The following LARP4B variants were observed in gnomAD, a reference collection of about 807,000 sequenced individuals.
LARP4B encodes the protein La ribonucleoprotein 4B, also known as la-related protein 4B.
LARP4B carries 12 observed loss-of-function variants against 89.8 expected under a neutral mutation model. That is an observed-to-expected ratio of 0.13 (90% CI 0.09 to 0.22). The LOEUF is 0.22. Among genes scored for constraint, LARP4B ranks in the 10% least tolerant of loss-of-function variants. LARP4B has a pLI of 1.00. For missense variants in LARP4B, 757 were observed against 947.7 expected (o/e 0.80, Z 2.64); for synonymous variants, 367 against 363.3 (o/e 1.01, Z -0.12).
At chr10:837,883 C>T (rs893692099) in intron 7 of LARP4B, among the ~76,000 whole-genome samples, 2 of 151,680 alleles carry the variant, frequency 1.3e-5, no homozygotes, top group African/African-American at 4.8e-5. Flanking sequence ...AAAAAATTTA[C>T]AAATTGGACT....
intron 1 of LARP4B, among the ~76,000 whole-genome samples, chr10:920,494 CCAGA>C (rs1321788934): frequency 6.6e-6 from 1 of 152,198 alleles, no homozygotes; most frequent in Non-Finnish European, 1.5e-5. Flanking sequence ...ATTAATCAGG[CCAGA>C]CACAGTGGCT....
intron 1 of LARP4B, among the ~76,000 whole-genome samples, chr10:887,540 A>G (rs567239116): frequency 3.8e-4 from 57 of 151,394 alleles, no homozygotes; most frequent in Non-Finnish European, 6.5e-4. Context: ...GTGAAACCTC[A>G]TCTCTCTAAA....
intron 1 of LARP4B, among the ~76,000 whole-genome samples, chr10:894,010 C>G (rs1022066010): frequency 5.3e-5 from 8 of 152,158 alleles, no homozygotes; most frequent in African/African-American, 1.9e-4. Context: ...GAACCACAGT[C>G]AATGGGGAGT....
intron 1 of LARP4B, among the ~76,000 whole-genome samples, chr10:898,377 T>C (rs778888628): frequency 6.0e-4 from 92 of 152,230 alleles, no homozygotes; most frequent in Admixed American, 2.3e-3. Context: ...CTAGTCATTC[T>C]ACTCCTAGGG....
At chr10:955,030 C>T in the LARP4B span, among the ~76,000 whole-genome samples, 1 of 73,502 alleles carries the variant, frequency 1.4e-5, no homozygotes, top group Non-Finnish European at 2.7e-5. This position sits in a 1 kb window ranked among gnomAD's most constrained non-coding sequence, Gnocchi z 5.2. Flanking sequence ...CTCCCATCCA[C>T]GCTTCCCCAG....
At chr10:826,424 T>C (rs1832626850) in intron 11 of LARP4B, among the ~76,000 whole-genome samples, 1 of 152,210 alleles carries the variant, frequency 6.6e-6, no homozygotes, top group South Asian at 2.1e-4. Context: ...AAGTATGGCA[T>C]GCAAATATAC....
chr10:962,211 A>T, the LARP4B span, among the ~76,000 whole-genome samples: 4 of 150,160 alleles, frequency 2.7e-5, no homozygotes. Context: ...CAGGAGAATC[A>T]CTTGAACCCA....
At chr10:958,115 C>T in the LARP4B span, among the ~76,000 whole-genome samples, 6 of 152,130 alleles carry the variant, frequency 3.9e-5, no homozygotes, top group African/African-American at 7.2e-5. Flanking sequence ...ATTTCCTCCG[C>T]GTAACTGTGG....
intron 1 of LARP4B, among the ~76,000 whole-genome samples, chr10:920,766 T>C (rs927587778): frequency 6.6e-6 from 1 of 151,928 alleles, no homozygotes; most frequent in African/African-American, 2.4e-5. Context: ...AGTGAGACTC[T>C]GTCTCAAAAA....
At chr10:836,529 T>C (rs373578907) in intron 7 of LARP4B, 23 bp from the exon 8 acceptor site, 33 of 1,430,394 alleles carry the variant, frequency 2.3e-5, no homozygotes, top group Non-Finnish European at 3.2e-5. Flanking sequence ...GAAAAATCAA[T>C]GGTGAAACAA....
the LARP4B span, among the ~76,000 whole-genome samples, chr10:966,620 A>C: frequency 6.6e-6 from 1 of 152,254 alleles, no homozygotes; most frequent in East Asian, 1.9e-4. Context: ...CGAGAGGCAC[A>C]GAACGGGAGT....
At chr10:966,031 C>T in the LARP4B span, among the ~76,000 whole-genome samples, 14 of 150,350 alleles carry the variant, frequency 9.3e-5, 1 homozygote, top group African/African-American at 3.2e-4. Flanking sequence ...ATTGAATACA[C>T]AGTGGGTTCT....
chr10:888,190 C>T (rs1487482199), intron 1 of LARP4B, among the ~76,000 whole-genome samples: 1 of 151,956 alleles, frequency 6.6e-6, no homozygotes, highest in Non-Finnish European at 1.5e-5. Flanking sequence ...CCTGGTGGCA[C>T]ATGCCTGGAG....
chr10:825,035 A>G, intron 13 of LARP4B, 30 bp downstream of exon 13: 1 of 1,594,238 alleles, frequency 6.3e-7, no homozygotes, highest in East Asian at 2.2e-5. Context: ...TTAGTTTATG[A>G]TGTTACACAG....
In LARP4B at chr10:815,064, T is replaced by G; in HGVS notation, c.1702A>C (p.Ser568Arg). The G allele has an allele frequency of 1.9e-6, 3 of 1,574,990 alleles. No individual in the cohort carries two copies. Among genetic ancestry groups the G allele is most frequent in the Non-Finnish European group, 2.6e-6 (3 of 1,158,594 alleles). ...IIGPSKERTL[S>R]ADASVNTLPV... is the part of the protein sequence containing the mutation. Reference sequence around the variant, plus strand: ...AGGGTGTTCACGCTTGCGTCTGCACTGAGGGTCTGAAACAGGGTCAAGAGT... The same window carrying G: ...AGGGTGTTCACGCTTGCGTCTGCACGGAGGGTCTGAAACAGGGTCAAGAGT... The change falls in exon 16 of 18, where the codon AGT becomes CGT. Residue 568 changes from serine to arginine, a missense_variant. By Grantham distance (110) the Ser-to-Arg change is moderately radical. Around this residue, in one of 5 missense-constraint regions of LARP4B, gnomAD observed 387 missense variants for 423.6 expected, o/e 0.91. Coordinates refer to ENST00000316157, the MANE Select transcript of LARP4B (RefSeq NM_015155.3).
At chr10:862,127 C>G (rs1834643629) in intron 5 of LARP4B, among the ~76,000 whole-genome samples, 1 of 152,128 alleles carries the variant, frequency 6.6e-6, no homozygotes, top group South Asian at 2.1e-4. Flanking sequence ...ACGGGAAATT[C>G]ACTTTATGCA....
the LARP4B span, chr10:942,563 C>T: frequency 2.6e-5 from 4 of 152,172 alleles, no homozygotes; most frequent in African/African-American, 7.2e-5. Flanking sequence ...GTGTACCACA[C>T]GATGAGTTAA....
rs541254299 is a variant in LARP4B at position 863,086 on chromosome 10, C to T, written c.430+657G>A. Among the ~76,000 whole-genome samples the T allele has an allele frequency of 7.2e-5, 11 of 152,294 alleles. No individual in the cohort carries two copies. The East Asian group carries it at 1.9e-3, about 27-fold the overall frequency. On this transcript the variant is annotated intron_variant, in intron 5 of 17. Transcript: ENST00000316157. ...TGGCTTCTAAGACTTGCAAATGGGG[C>T]CTCAATTGCCCCTACCTACAATACC... is the stretch of plus-strand genomic sequence containing the variant.
At chr10:885,022 G>C (rs1408216866) in intron 2 of LARP4B, among the ~76,000 whole-genome samples, 1 of 152,006 alleles carries the variant, frequency 6.6e-6, no homozygotes, top group Non-Finnish European at 1.5e-5. Context: ...AGACTGATGG[G>C]GCTCAGGACT....
Sources: gnomAD v4.1 joint callset for allele counts (sites outside exome capture counted in the v4.1 genomes callset) on GRCh38, gnomAD v4.1.1 for gene constraint, gnomAD v4.1.1 regional missense constraint, Gnocchi (gnomAD v3.1) non-coding constraint, MANE v1.5 for transcripts, NCBI Gene and HGNC (gene_info 2026-07-23, HGNC 2026-07-21) for gene names.